The following SGO2 variants were observed in gnomAD, a reference collection of about 807,000 sequenced individuals.
The protein encoded by SGO2 is shugoshin 2.
A neutral mutation model predicts 99.5 loss-of-function variants in SGO2; 68 were observed. The ratio of observed to expected loss-of-function variants is 0.68; its 90% CI spans 0.56 to 0.84. The LOEUF is 0.84. Among genes scored for constraint, SGO2 ranks in the 40% least tolerant of loss-of-function variants. The pLI is 0.00. For missense variants in SGO2, 1,350 were observed against 1,436.7 expected, an observed-to-expected ratio of 0.94 and a Z score of 0.97; for synonymous variants, 457 against 487.1, an observed-to-expected ratio of 0.94 and a Z score of 0.81.
Position 200,571,054 on chromosome 2 carries a change from C to G in SGO2, c.708C>G (p.Ser236Arg). The G allele has an allele frequency of 6.5e-7, 1 of 1,546,986 alleles. No homozygotes were observed. Among genetic ancestry groups the G allele is most frequent in the Non-Finnish European group, 8.7e-7 (1 of 1,149,298 alleles). Reference sequence around the variant, plus strand: ...TTGTTTTCCTTTTCTTAATAGAAAGCCATTCCCACTCAGACCAAAGTTCTA... The same window carrying G: ...TTGTTTTCCTTTTCTTAATAGAAAGGCATTCCCACTCAGACCAAAGTTCTA... ...SSIVDVPPRESHSHSDQSSKT... is the reference protein window; with the variant it reads ...SSIVDVPPRERHSHSDQSSKT... Residue 236 changes from serine to arginine, a missense_variant, in exon 7 of 9, where the codon AGC becomes AGG. By Grantham distance (110) the Ser-to-Arg change is moderately radical. Transcript: ENST00000357799.
intron 1 of SGO2, among the ~76,000 whole-genome samples, chr2:200,529,476 G>A (rs2031260152): frequency 6.6e-6 from 1 of 152,122 alleles, no homozygotes; most frequent in Non-Finnish European, 1.5e-5. Context: ...AGTGATAGAT[G>A]TTGAGGGAAG....
At chr2:200,561,002 A>G (rs1336566165) in intron 5 of SGO2, among the ~76,000 whole-genome samples, 1 of 152,164 alleles carries the variant, frequency 6.6e-6, no homozygotes, top group African/African-American at 2.4e-5. Flanking sequence ...TCTAGTCAGT[A>G]AAGTTTATTG....
chr2:200,531,139 A>G (rs1487985710), intron 1 of SGO2, among the ~76,000 whole-genome samples: 1 of 152,206 alleles, frequency 6.6e-6, no homozygotes, highest in Non-Finnish European at 1.5e-5. Flanking sequence ...GATCCAGTGC[A>G]TGGATCCGTA....
chr2:200,570,487 T>A lies in SGO2; in HGVS notation c.704-563T>A, dbSNP rs1197795663. ...TTTTTCCTTTCTGAAAATGTGTGTG[T>A]GTGTGTGTGTGTGTGTGTGTGTGGG... On this transcript the variant is annotated intron_variant, in intron 6 of 8. Coordinates refer to ENST00000357799, the MANE Select transcript of SGO2 (RefSeq NM_152524.6). This position sits in a 1 kb window ranked among gnomAD's most constrained non-coding sequence, Gnocchi z 4.4. Among the ~76,000 whole-genome samples the A allele has an allele frequency of 6.7e-6, 1 of 150,342 alleles. No individual in the cohort carries two copies. Among genetic ancestry groups the A allele is most frequent in the South Asian group, 2.1e-4 (1 of 4,752 alleles).
chr2:200,528,902 G>A (rs2031231930), intron 1 of SGO2, among the ~76,000 whole-genome samples: 1 of 152,212 alleles, frequency 6.6e-6, no homozygotes, highest in African/African-American at 2.4e-5. Context: ...ACCAAGTGAA[G>A]AGCGTATTTC....
chr2:200,531,746 T>G (rs2106301280), intron 1 of SGO2: 1 of 152,358 alleles, frequency 6.6e-6, no homozygotes, highest in East Asian at 1.9e-4. Flanking sequence ...GAAGTCTAAA[T>G]TCAGTTATCA....
chr2:200,581,749 C>A (rs558287142), intron 8 of SGO2, among the ~76,000 whole-genome samples: 1 of 152,244 alleles, frequency 6.6e-6, no homozygotes, highest in South Asian at 2.1e-4. Flanking sequence ...AATGTTGTGG[C>A]TTTTGCTTTT....
chr2:200,557,982 G>C (rs1342399453), intron 5 of SGO2, among the ~76,000 whole-genome samples: 4 of 151,182 alleles, frequency 2.6e-5, no homozygotes, highest in African/African-American at 7.3e-5. Flanking sequence ...TCCTGCCTCA[G>C]CCTCCTGAGT....
At chr2:200,529,683 C>A (rs1574828688) in intron 1 of SGO2, among the ~76,000 whole-genome samples, 1 of 152,132 alleles carries the variant, frequency 6.6e-6, no homozygotes, top group East Asian at 1.9e-4. Context: ...CCTGCCACCA[C>A]ACCTAACTAA....
At chr2:200,529,871 G>A (rs925293438) in intron 1 of SGO2, among the ~76,000 whole-genome samples, 19 of 152,208 alleles carry the variant, frequency 1.2e-4, no homozygotes, top group African/African-American at 4.6e-4. Flanking sequence ...GGTGACATTT[G>A]AAGAGACTTG....
Position 200,581,660 on chromosome 2 carries a change from A to G in SGO2, c.3783-1789A>G, listed in dbSNP as rs545905602. Among the ~76,000 whole-genome samples, 25 of 152,264 alleles carry G rather than the reference A, an allele frequency of 1.6e-4. No individual in the cohort carries two copies. In the East Asian group the frequency reaches 4.6e-3, roughly 28 times the overall value. On this transcript the variant is annotated intron_variant, in intron 8 of 8. Coordinates refer to ENST00000357799, the MANE Select transcript of SGO2 (RefSeq NM_152524.6). ...AGCTACTAGAAGCTGTGATATACCT[A>G]GTGTATACCATTTCCAATCCAAAAA...
rs771184692 is a variant in SGO2 at position 200,572,935 on chromosome 2, A to G, written c.2589A>G (p.Gln863=). Residue 863 remains glutamine (Q), a synonymous_variant, in exon 7 of 9, where the codon CAA becomes CAG. Coordinates refer to ENST00000357799, the MANE Select transcript of SGO2 (RefSeq NM_152524.6). ...ATCTACAAGTCACAAATGAATTTCAAACAGTTGATCTTCTCATCAAAGATA... is the reference window on the plus strand; with the variant it reads ...ATCTACAAGTCACAAATGAATTTCAGACAGTTGATCTTCTCATCAAAGATA... ...SENLQVTNEF[Q]TVDLLIKDNG... 62 of 1,598,596 alleles carry G rather than the reference A, an allele frequency of 3.9e-5. No individual in the cohort carries two copies. The highest frequency in any genetic ancestry group is 1.7e-4 in the Middle Eastern group (1 of 6,000).
In SGO2 at chr2:200,572,574, C is replaced by CA. The variant is rs1559217501; in HGVS notation, c.2229dup (p.Leu744ThrfsTer8). 1 of 1,611,414 alleles carries CA rather than the reference C, an allele frequency of 6.2e-7. No homozygotes were observed. Among genetic ancestry groups the CA allele is most frequent in the South Asian group, 1.1e-5 (1 of 90,944 alleles). On this transcript the variant is annotated frameshift_variant, in exon 7 of 9. Coordinates refer to ENST00000357799, the MANE Select transcript of SGO2 (RefSeq NM_152524.6). LOFTEE classifies it high-confidence loss of function. The stretch of plus-strand genomic sequence containing the variant: ...ATAGAATACACAGTTAAAAGTCACT[C>CA]ACTCTTTTTAACGCAAAAAGATAAG...
intron 1 of SGO2, among the ~76,000 whole-genome samples, chr2:200,528,917 G>A (rs2031232587): frequency 6.6e-6 from 1 of 152,146 alleles, no homozygotes; most frequent in Non-Finnish European, 1.5e-5. Flanking sequence ...TATTTCAAAA[G>A]GAAGGAATGA....
At chr2:200,578,112 A>C (rs2033722263) in intron 8 of SGO2, among the ~76,000 whole-genome samples, 1 of 114,550 alleles carries the variant, frequency 8.7e-6, no homozygotes, top group Non-Finnish European at 2.0e-5. Flanking sequence ...TTCCTTCTAC[A>C]TTAATTGGAA....
chr2:200,529,523 T>C (rs897247555), intron 1 of SGO2, among the ~76,000 whole-genome samples: 1 of 119,322 alleles, frequency 8.4e-6, no homozygotes, highest in Non-Finnish European at 2.1e-5. Flanking sequence ...TTGTTTTGTT[T>C]TTTGTTTTTT....
At position 200,526,894 on chromosome 2, in the gene SGO2, TTACCAGGTCCCG is replaced by T. The variant is rs2031123032; in HGVS notation, c.-3+646_-3+657del. Among the ~76,000 whole-genome samples, 1 of 152,166 alleles carries T rather than the reference TTACCAGGTCCCG, an allele frequency of 6.6e-6. No individual in the cohort carries two copies. The highest frequency in any genetic ancestry group is 2.4e-5 in the African/African-American group (1 of 41,434). ...AGTGCTGGTATTGAGTGCTGATAGT[TTACCAGGTCCCG>T]TACTAGACACTGTACATACATTGGC... On this transcript the variant is annotated intron_variant, in intron 1 of 8. Transcript: ENST00000357799. The surrounding 1 kb of genome is among the most constrained non-coding windows in gnomAD (Gnocchi z 4.8).
At chr2:200,576,042 T>C (rs2033644823) in intron 8 of SGO2, 1 of 390,372 alleles carries the variant, frequency 2.6e-6, no homozygotes, top group Non-Finnish European at 4.9e-6. Context: ...AACACTTCGA[T>C]ATATCTCTCT....
intron 4 of SGO2, among the ~76,000 whole-genome samples, chr2:200,536,479 G>C (rs561084363): frequency 6.6e-6 from 1 of 152,174 alleles, no homozygotes; most frequent in South Asian, 2.1e-4. Flanking sequence ...TTGTTTGTTT[G>C]TTTTAAAGAT....
Sources: gnomAD v4.1 joint callset for allele counts (sites outside exome capture counted in the v4.1 genomes callset) on GRCh38, gnomAD v4.1.1 for gene constraint, Gnocchi (gnomAD v3.1) non-coding constraint, MANE v1.5 for transcripts, NCBI Gene and HGNC (gene_info 2026-07-23, HGNC 2026-07-21) for gene names.